Variants in DENND1B observed in about 807,000 individuals in gnomAD.
DENND1B encodes DENN domain containing 1B.
In DENND1B, 59 loss-of-function variants were observed where a neutral mutation model predicts 90.1. The observed-to-expected ratio is 0.65, with a 90% CI of 0.53 to 0.81. The LOEUF is 0.81. Among genes scored for constraint, DENND1B ranks in the 40% least tolerant of loss-of-function variants. The probability of loss-of-function intolerance (pLI) is 0.00; values close to 1 mark genes in which losing one functional copy is unlikely to be tolerated. For missense variants in DENND1B, 862 were observed against 912.6 expected, an observed-to-expected ratio of 0.94 and a Z score of 0.71; for synonymous variants, 337 against 324.6, an observed-to-expected ratio of 1.04 and a Z score of -0.41.
chr1:197,541,358 C>T (rs866635634), intron 18 of DENND1B, among the ~76,000 whole-genome samples: 42 of 152,136 alleles, frequency 2.8e-4, no homozygotes, highest in Admixed American at 9.8e-4. Context: ...GAAAGTACAT[C>T]CCCGCAGCAA....
At chr1:197,565,596 G>A (rs899596748) in intron 15 of DENND1B, among the ~76,000 whole-genome samples, 11 of 149,734 alleles carry the variant, frequency 7.3e-5, no homozygotes, top group African/African-American at 2.2e-4. Flanking sequence ...CCATTAACTC[G>A]TCATTTAGCA....
intron 6 of DENND1B, among the ~76,000 whole-genome samples, chr1:197,655,182 A>C (rs1363860287): frequency 6.6e-6 from 1 of 152,252 alleles, no homozygotes; most frequent in Non-Finnish European, 1.5e-5. Context: ...CATTGACGTT[A>C]AAGCATGGGC....
chr1:197,538,454 G>A (rs1312826716), intron 20 of DENND1B, among the ~76,000 whole-genome samples: 2 of 152,048 alleles, frequency 1.3e-5, no homozygotes, highest in East Asian at 1.9e-4. Context: ...CAGACAATCA[G>A]TACTGACTAT....
chr1:197,638,774 C>A (rs891019537), intron 10 of DENND1B, among the ~76,000 whole-genome samples: 41 of 152,230 alleles, frequency 2.7e-4, no homozygotes, highest in South Asian at 8.3e-4. Flanking sequence ...CTACCTACAG[C>A]ATGGATAAAA....
intron 3 of DENND1B, among the ~76,000 whole-genome samples, chr1:197,677,105 A>C (rs1656161462): frequency 6.6e-6 from 1 of 152,176 alleles, no homozygotes; most frequent in Admixed American, 6.6e-5. Flanking sequence ...CTAAGATAAA[A>C]TGAGATGTGT....
At chr1:197,519,644 C>A (rs1193198847) in intron 20 of DENND1B, among the ~76,000 whole-genome samples, 4 of 151,936 alleles carry the variant, frequency 2.6e-5, no homozygotes, top group African/African-American at 7.2e-5. Flanking sequence ...TATGAAAGCC[C>A]TTCAGGAAGT....
At chr1:197,709,763 A>C (rs1042800594) in intron 3 of DENND1B, among the ~76,000 whole-genome samples, 14 of 126,800 alleles carry the variant, frequency 1.1e-4, no homozygotes, top group African/African-American at 4.7e-4. Flanking sequence ...TAAATTCTGC[A>C]ATTAAAAGAC....
At chr1:197,536,461 A>G (rs977621826) in intron 20 of DENND1B, among the ~76,000 whole-genome samples, 1 of 152,186 alleles carries the variant, frequency 6.6e-6, no homozygotes, top group Non-Finnish European at 1.5e-5. Context: ...TTGGCCACCA[A>G]TTGGCTATCA....
chr1:197,767,023 A>C (rs1406086276), intron 2 of DENND1B, among the ~76,000 whole-genome samples: 1 of 151,880 alleles, frequency 6.6e-6, no homozygotes, highest in Non-Finnish European at 1.5e-5. Flanking sequence ...CAAACTCCTG[A>C]CCTCAAATGA....
At chr1:197,537,776 T>A (rs1168765960) in intron 20 of DENND1B, among the ~76,000 whole-genome samples, 5 of 152,020 alleles carry the variant, frequency 3.3e-5, no homozygotes, top group African/African-American at 7.2e-5. Context: ...CTATGCATGT[T>A]AAAGGAAAGA....
At chr1:197,607,386 T>C (rs1444352819) in intron 12 of DENND1B, among the ~76,000 whole-genome samples, 2 of 150,866 alleles carry the variant, frequency 1.3e-5, no homozygotes, top group African/African-American at 2.4e-5. Flanking sequence ...TGCTTAAAAT[T>C]GAATATTTCC....
chr1:197,554,720 T>C (rs944560648), intron 15 of DENND1B, among the ~76,000 whole-genome samples: 2 of 150,294 alleles, frequency 1.3e-5, no homozygotes, highest in African/African-American at 4.9e-5. Flanking sequence ...CGCACACCTG[T>C]AGTCCCAGCT....
chr1:197,624,648 C>T (rs1049285208), intron 10 of DENND1B, among the ~76,000 whole-genome samples: 130 of 151,900 alleles, frequency 8.6e-4, no homozygotes, highest in African/African-American at 2.6e-3. Flanking sequence ...TCACCAGCAA[C>T]GGAACAAAGC....
chr1:197,623,655 C>G (rs1325772438), intron 10 of DENND1B, among the ~76,000 whole-genome samples: 1 of 151,282 alleles, frequency 6.6e-6, no homozygotes, highest in Admixed American at 6.6e-5. Context: ...CCATGTTCTC[C>G]CTGCCCTCAC....
rs370398454 is a variant in DENND1B, at chr1:197,664,929, C to T, written c.297-6560G>A. Among the ~76,000 whole-genome samples the T allele has an allele frequency of 4.0e-4, 60 of 151,888 alleles. 1 individual carries two copies. In the South Asian group the frequency reaches 0.011, roughly 28 times the overall value. ...GGAGTATTTCATTTTGAACCCTTGG[C>T]GACAATTTTATAGTTATAAAATTAT... On this transcript the variant is annotated intron_variant, in intron 5 of 22. Coordinates refer to ENST00000620048, the MANE Select transcript of DENND1B (RefSeq NM_001195215.2).
intron 16 of DENND1B, chr1:197,552,783 G>C: frequency 7.8e-7 from 1 of 1,288,418 alleles, no homozygotes. Flanking sequence ...GCAATATTAA[G>C]AGATTATCGA....
At chr1:197,701,773 T>G (rs1659053012) in intron 3 of DENND1B, among the ~76,000 whole-genome samples, 1 of 152,170 alleles carries the variant, frequency 6.6e-6, no homozygotes, top group Admixed American at 6.5e-5. Context: ...TAGAGCTACA[T>G]GCTAATTGCC....
chr1:197,629,900 T>C (rs10737693), intron 10 of DENND1B, among the ~76,000 whole-genome samples: 111,047 of 151,786 alleles, frequency 0.73, 41,445 homozygotes, highest in East Asian at 0.79. Context: ...CTGTAACTGA[T>C]GCCTCACCAA....
chr1:197,661,897 A>AT (rs1401778804), intron 5 of DENND1B, among the ~76,000 whole-genome samples: 2 of 152,034 alleles, frequency 1.3e-5, no homozygotes, highest in Non-Finnish European at 2.9e-5. Flanking sequence ...GATAAATATA[A>AT]TTTATCTGTA....
Sources: allele counts gnomAD v4.1 joint callset (sites outside exome capture counted in the v4.1 genomes callset), GRCh38; gene constraint gnomAD v4.1.1; transcripts MANE v1.5; gene names NCBI Gene and HGNC (gene_info 2026-07-23, HGNC 2026-07-21).